The following DPP6 variants were observed in gnomAD, a reference collection of about 807,000 sequenced individuals.
The protein encoded by DPP6 is dipeptidyl peptidase like 6.
Under a neutral mutation model 122.6 loss-of-function variants are expected in DPP6, and 69 were observed. The ratio of observed to expected loss-of-function variants is 0.56; its 90% CI spans 0.46 to 0.69. DPP6 has a LOEUF of 0.69. DPP6 is among the 30% of genes least tolerant of loss of function. The probability of loss-of-function intolerance (pLI) is 0.00; values close to 1 mark genes in which losing one functional copy is unlikely to be tolerated. For missense variants in DPP6, 928 were observed against 1,116.9 expected (o/e 0.83, Z 2.41); for synonymous variants, 418 against 433.1 (o/e 0.97, Z 0.43).
intron 1 of DPP6, among the ~76,000 whole-genome samples, chr7:153,891,233 A>G (rs1194267242): frequency 6.7e-6 from 1 of 149,346 alleles, no homozygotes; most frequent in Non-Finnish European, 1.5e-5. Context: ...CATGTTAGCC[A>G]GGATGGTCTC....
intron 5 of DPP6, among the ~76,000 whole-genome samples, chr7:154,584,168 A>G (rs1162656855): frequency 6.6e-6 from 1 of 152,194 alleles, no homozygotes; most frequent in Non-Finnish European, 1.5e-5. Context: ...CCAATCAGGT[A>G]ACTCATTCCC....
the DPP6 span, among the ~76,000 whole-genome samples, chr7:153,810,319 A>G: frequency 4.6e-5 from 7 of 152,170 alleles, no homozygotes; most frequent in African/African-American, 1.7e-4. Context: ...CTTACGATGT[A>G]TGATTAACCA....
At position 154,889,323 on chromosome 7, in the gene DPP6, ATCAT is replaced by A; in HGVS notation, c.2361_2364del (p.His788ProfsTer19). 5.6e-6 allele frequency: 9 copies of A among 1,612,570 alleles called. No homozygotes were observed. Among genetic ancestry groups the A allele is most frequent in the Non-Finnish European group, 7.6e-6 (9 of 1,179,646 alleles). ...CGCGCTGGAAGAACAGCAGTTCCTG[ATCAT>A]TCATCCCACTGCCGATGGTAAGGAC... On this transcript the variant is annotated frameshift_variant, in exon 24 of 26. Coordinates refer to ENST00000377770, the MANE Select transcript of DPP6 (RefSeq NM_130797.4). LOFTEE classifies it high-confidence loss of function.
the DPP6 span, among the ~76,000 whole-genome samples, chr7:153,780,821 T>C: frequency 6.6e-6 from 1 of 152,196 alleles, no homozygotes; most frequent in Non-Finnish European, 1.5e-5. Flanking sequence ...TACCTTCTGG[T>C]CCTCCAAGTT....
At chr7:154,172,108 TG>T (rs1177915243) in intron 1 of DPP6, among the ~76,000 whole-genome samples, 2 of 150,580 alleles carry the variant, frequency 1.3e-5, no homozygotes, top group African/African-American at 4.9e-5. Flanking sequence ...TTGCAATACT[TG>T]TATAGATTCT....
intron 1 of DPP6, among the ~76,000 whole-genome samples, chr7:154,216,645 T>C (rs1025156822): frequency 1.1e-4 from 16 of 152,014 alleles, no homozygotes; most frequent in African/African-American, 3.9e-4. Flanking sequence ...TACAGAACCA[T>C]TGGGTAATTC....
chr7:154,495,436 A>G (rs1824651340), intron 3 of DPP6, among the ~76,000 whole-genome samples: 1 of 151,178 alleles, frequency 6.6e-6, no homozygotes, highest in African/African-American at 2.4e-5. Flanking sequence ...AGTCTTGCTC[A>G]GTTGCCCAGG....
chr7:153,816,070 T>C, the DPP6 span, among the ~76,000 whole-genome samples: 1 of 151,864 alleles, frequency 6.6e-6, no homozygotes, highest in Non-Finnish European at 1.5e-5. Flanking sequence ...ATATTGTGTG[T>C]TATAGAAACT....
At position 153,887,674 on chromosome 7, in the gene DPP6, T is replaced by G. The variant is rs553289315; in HGVS notation, c.-10T>G. On this transcript the variant is annotated 5_prime_UTR_variant, in exon 1 of 26. Transcript: ENST00000404039. ...CCTGGACCAGAAGTCGGGTTCGGACTTGGGGCAAAATGAAGGAAAAGGCCA... is the reference window on the plus strand; with the variant it reads ...CCTGGACCAGAAGTCGGGTTCGGACGTGGGGCAAAATGAAGGAAAAGGCCA... 11 of 1,613,852 alleles carry G rather than the reference T, an allele frequency of 6.8e-6. No individual in the cohort carries two copies. The Admixed American group carries it at 1.8e-4, about 27-fold the overall frequency.
At chr7:154,552,610 G>T (rs534285589) in intron 4 of DPP6, among the ~76,000 whole-genome samples, 11 of 152,330 alleles carry the variant, frequency 7.2e-5, no homozygotes, top group African/African-American at 2.6e-4. Context: ...ACACCATAAT[G>T]TTGACAGAAA....
chr7:153,936,135 A>T (rs1449265044), intron 1 of DPP6, among the ~76,000 whole-genome samples: 1 of 152,210 alleles, frequency 6.6e-6, no homozygotes, highest in East Asian at 1.9e-4. Flanking sequence ...CCTAGAAAAT[A>T]AGTAGGAATC....
At chr7:153,969,989 G>A (rs1046340334) in intron 1 of DPP6, among the ~76,000 whole-genome samples, 7 of 152,032 alleles carry the variant, frequency 4.6e-5, no homozygotes, top group African/African-American at 1.5e-4. Flanking sequence ...AGATTCATCC[G>A]TGTTGTTGCA....
At chr7:154,842,331 G>A (rs143327307) in intron 16 of DPP6, among the ~76,000 whole-genome samples, 189 of 152,330 alleles carry the variant, frequency 1.2e-3, no homozygotes, top group African/African-American at 4.4e-3. Context: ...GGATACAGAC[G>A]AGAGGAAGGG....
At chr7:153,928,400 T>TTTTTTTTTTTTTTTTTTTTTTG in intron 1 of DPP6, among the ~76,000 whole-genome samples, 1 of 42,112 alleles carries the variant, frequency 2.4e-5, no homozygotes, top group Non-Finnish European at 4.7e-5. Context: ...TCTTTCATTT[T>TTTTTTTTTTTTTTTTTTTTTTG]TTTTTTTTTT....
At chr7:154,131,008 A>G (rs904237391) in intron 1 of DPP6, among the ~76,000 whole-genome samples, 1 of 152,104 alleles carries the variant, frequency 6.6e-6, no homozygotes, top group African/African-American at 2.4e-5. Context: ...TCAGTGGCCG[A>G]TTCAGAAGCC....
chr7:153,968,635 C>G (rs1220191722), intron 1 of DPP6: 2 of 151,686 alleles, frequency 1.3e-5, no homozygotes, highest in Non-Finnish European at 2.9e-5. Flanking sequence ...CTGAAAACCA[C>G]TATTGTTTTA....
At chr7:154,698,293 AC>A (rs1357260919) in intron 7 of DPP6, among the ~76,000 whole-genome samples, 2 of 152,174 alleles carry the variant, frequency 1.3e-5, no homozygotes, top group Non-Finnish European at 2.9e-5. Context: ...GACCAGCTGG[AC>A]CATGTATAAT....
chr7:154,652,205 C>T (rs1004657783), intron 6 of DPP6, among the ~76,000 whole-genome samples: 2 of 152,158 alleles, frequency 1.3e-5, no homozygotes, highest in African/African-American at 2.4e-5. Context: ...AACACATCCT[C>T]GCCTGCACCC....
At chr7:154,061,731 C>A (rs576709106) in intron 1 of DPP6, among the ~76,000 whole-genome samples, 2 of 86,450 alleles carry the variant, frequency 2.3e-5, no homozygotes, top group South Asian at 3.6e-4. Context: ...GCGGGGACTG[C>A]GAACCTCCCC....
Sources: allele counts gnomAD v4.1 joint callset (sites outside exome capture counted in the v4.1 genomes callset), GRCh38; gene constraint gnomAD v4.1.1; transcripts MANE v1.5; gene names NCBI Gene and HGNC (gene_info 2026-07-23, HGNC 2026-07-21).